TNR: variants seen among roughly 807,000 people sequenced by gnomAD.
TNR encodes the protein tenascin-R.
TNR carries 45 observed loss-of-function variants against 150.4 expected under a neutral mutation model. That is an observed-to-expected ratio of 0.30 (90% CI 0.24 to 0.38). TNR has a LOEUF of 0.38. Among genes scored for constraint, TNR ranks in the 10% least tolerant of loss-of-function variants. The pLI, the probability that TNR is intolerant of heterozygous loss-of-function variation, is 1.00. For synonymous variants in TNR, 687 were observed against 678.4 expected (o/e 1.01, Z -0.20); for missense variants, 1,544 against 1,759.1 (o/e 0.88, Z 2.19).
intron 2 of TNR, among the ~76,000 whole-genome samples, chr1:175,500,367 A>T (rs1658680515): frequency 6.6e-6 from 1 of 152,176 alleles, no homozygotes; most frequent in African/African-American, 2.4e-5. Flanking sequence ...AGAATTTCTA[A>T]GTGGATTTGG....
intron 22 of TNR, 133 bp downstream of exon 22, chr1:175,324,223 T>G: frequency 9.3e-7 from 1 of 1,070,542 alleles, no homozygotes; most frequent in Non-Finnish European, 1.3e-6. Context: ...GTCTGCATTA[T>G]TTTTCTCAAG....
chr1:175,414,730 C>A (rs891659792), intron 2 of TNR, among the ~76,000 whole-genome samples: 10 of 152,148 alleles, frequency 6.6e-5, no homozygotes, highest in African/African-American at 2.4e-4. Flanking sequence ...AAGCTTGTGT[C>A]CCACCTAAAG....
At chr1:175,537,808 G>A (rs1660353762) in intron 1 of TNR, among the ~76,000 whole-genome samples, 1 of 152,154 alleles carries the variant, frequency 6.6e-6, no homozygotes, top group African/African-American at 2.4e-5. Flanking sequence ...CCTCGTCAGG[G>A]GCCAAGCCAG....
intron 1 of TNR, among the ~76,000 whole-genome samples, chr1:175,635,246 G>T (rs56373141): frequency 6.6e-6 from 1 of 152,194 alleles, no homozygotes; most frequent in Admixed American, 6.5e-5. Context: ...GAAGGTTTTC[G>T]ACTTTGAGCA....
intron 1 of TNR, among the ~76,000 whole-genome samples, chr1:175,574,882 C>G (rs1247028819): frequency 6.6e-6 from 1 of 152,232 alleles, no homozygotes; most frequent in Non-Finnish European, 1.5e-5. Flanking sequence ...AAAAAGTTGA[C>G]TATCAGCCTA....
chr1:175,443,529 T>C (rs1655890611), intron 2 of TNR, among the ~76,000 whole-genome samples: 1 of 152,196 alleles, frequency 6.6e-6, no homozygotes, highest in Admixed American at 6.5e-5. Flanking sequence ...CTGTAGGGGA[T>C]ACTGAAGCAA....
chr1:175,492,715 G>A (rs891676611), intron 2 of TNR, among the ~76,000 whole-genome samples: 1 of 152,186 alleles, frequency 6.6e-6, no homozygotes, highest in African/African-American at 2.4e-5. Flanking sequence ...CTACGTGGGT[G>A]TGTGTGGGAG....
rs1651700635 is a variant in TNR at position 175,363,690 on chromosome 1, A to G, written c.2707+18T>C. Reference sequence around the variant, plus strand: ...ACCCAAATCCTAGTATCTTTGAGAAATCAAATCACTTTGTTACCTTGGGTG... The same window carrying G: ...ACCCAAATCCTAGTATCTTTGAGAAGTCAAATCACTTTGTTACCTTGGGTG... On this transcript the variant is annotated intron_variant, in intron 13 of 22. Transcript: ENST00000367674. 1.2e-6 allele frequency: 2 copies of G among 1,610,848 alleles called. No homozygotes were observed.
At chr1:175,671,911 CTGTGTGTGTGTGTGTGTGTGTG>C (rs35804880) in intron 1 of TNR, among the ~76,000 whole-genome samples, 4 of 142,042 alleles carry the variant, frequency 2.8e-5, no homozygotes, top group Admixed American at 2.1e-4. Context: ...TGAGCTGTAC[CTGTGTGTGTGTGTGTGTGTGTG>C]TGTGTGTGTG....
intron 20 of TNR, among the ~76,000 whole-genome samples, chr1:175,332,578 T>A (rs1649999658): frequency 6.6e-6 from 1 of 152,180 alleles, no homozygotes. Flanking sequence ...CTTACCTACA[T>A]CATCAAGTAA....
chr1:175,331,043 T>G (rs867350282), intron 20 of TNR, among the ~76,000 whole-genome samples: 12 of 78,886 alleles, frequency 1.5e-4, no homozygotes, highest in African/African-American at 4.8e-4. Context: ...CTTTCTTTCT[T>G]TCTTTCTTTC....
chr1:175,549,340 T>C (rs146612669), intron 1 of TNR, among the ~76,000 whole-genome samples: 6 of 152,296 alleles, frequency 3.9e-5, no homozygotes, highest in Non-Finnish European at 8.8e-5. Context: ...GCAATAACAA[T>C]AGCAATGCAT....
chr1:175,331,562 C>A (rs551006080), intron 20 of TNR, among the ~76,000 whole-genome samples: 52 of 152,094 alleles, frequency 3.4e-4, no homozygotes, highest in Non-Finnish European at 7.1e-4. Flanking sequence ...TGTGCCTGGC[C>A]GATATTTTCT....
intron 1 of TNR, among the ~76,000 whole-genome samples, chr1:175,616,075 C>T (rs750456241): frequency 8.5e-5 from 13 of 152,174 alleles, no homozygotes; most frequent in Admixed American, 6.5e-5. Context: ...GTTCTTTCTG[C>T]GTGGGACAAA....
At chr1:175,520,183 G>A (rs961891225) in intron 2 of TNR, among the ~76,000 whole-genome samples, 2 of 152,324 alleles carry the variant, frequency 1.3e-5, no homozygotes, top group East Asian at 1.9e-4. Flanking sequence ...CCTAGCTTGA[G>A]AATGAGGGTT....
At chr1:175,480,453 G>A (rs555760702) in intron 2 of TNR, among the ~76,000 whole-genome samples, 1 of 151,424 alleles carries the variant, frequency 6.6e-6, no homozygotes, top group East Asian at 1.9e-4. Context: ...GAGAAAGAAA[G>A]AAAGAAAAGA....
At chr1:175,741,947 A>G (rs1318526802) in intron 1 of TNR, among the ~76,000 whole-genome samples, 1 of 152,206 alleles carries the variant, frequency 6.6e-6, no homozygotes, top group Non-Finnish European at 1.5e-5. Flanking sequence ...TTAGGGGTTA[A>G]ATCAAGGGAA....
chr1:175,557,034 C>T (rs1661188588), intron 1 of TNR, among the ~76,000 whole-genome samples: 1 of 152,206 alleles, frequency 6.6e-6, no homozygotes, highest in African/African-American at 2.4e-5. Flanking sequence ...CAGTATAAGA[C>T]AGGGAGCTGA....
intron 17 of TNR, among the ~76,000 whole-genome samples, chr1:175,355,275 C>T (rs1009408078): frequency 5.3e-5 from 8 of 152,146 alleles, no homozygotes; most frequent in Non-Finnish European, 7.4e-5. Context: ...CCTCAACTTA[C>T]GTAGAGAGTA....
Sources: gnomAD v4.1 joint callset for allele counts (sites outside exome capture counted in the v4.1 genomes callset) on GRCh38, gnomAD v4.1.1 for gene constraint, MANE v1.5 for transcripts, NCBI Gene and HGNC (gene_info 2026-07-23, HGNC 2026-07-21) for gene names.